Variants in TEN1 observed in about 807,000 individuals in gnomAD.
TEN1 encodes CST complex subunit TEN1.
In TEN1, 6 loss-of-function variants were observed where a neutral mutation model predicts 9.3. The ratio of observed to expected loss-of-function variants is 0.65; its 90% CI spans 0.35 to 1.27. TEN1 has a LOEUF of 1.27. Ranked by LOEUF, TEN1 falls within the 50% of genes most tolerant of loss-of-function variation. TEN1 has a pLI of 0.03. For missense variants in TEN1, 149 were observed against 158.2 expected (o/e 0.94, Z 0.31); for synonymous variants, 65 against 65.6 (o/e 0.99, Z 0.04).
At chr17:75,989,160 C>A (rs1026893253) in intron 2 of TEN1, among the ~76,000 whole-genome samples, 15 of 147,304 alleles carry the variant, frequency 1.0e-4, no homozygotes, top group Non-Finnish European at 1.7e-4. Context: ...AGTGCAGTGG[C>A]GCGATCTCAG....
rs1442190025 is a variant in TEN1, at chr17:76,000,298, G to C, written c.*36G>C. ...CCTAGCAACACCCTCACCTGCTTCA[G>C]AGCCCGAACCCTCTGGAGCTGCAGG... On this transcript the variant is annotated 3_prime_UTR_variant, in exon 4 of 4. Coordinates refer to ENST00000397640, the MANE Select transcript of TEN1 (RefSeq NM_001113324.3). This position sits in a 1 kb window ranked among gnomAD's most constrained non-coding sequence, Gnocchi z 5.9. The C allele has an allele frequency of 1.9e-6, 3 of 1,542,050 alleles. No individual in the cohort carries two copies. Among genetic ancestry groups the C allele is most frequent in the Non-Finnish European group, 2.6e-6 (3 of 1,141,530 alleles).
Position 76,000,415 on chromosome 17 carries a change from C to A in TEN1, c.*153C>A. The A allele has an allele frequency of 8.6e-7, 1 of 1,158,086 alleles. No individual in the cohort carries two copies. Among genetic ancestry groups the A allele is most frequent in the Non-Finnish European group, 1.2e-6 (1 of 851,566 alleles). The allele number at this position is 1,158,086 out of a possible 1,614,324, so 71.7% of individuals were successfully genotyped here. A position where few individuals can be genotyped will look rare whatever the true frequency, so the allele number is the denominator to read the frequency against. On this transcript the variant is annotated 3_prime_UTR_variant, in exon 4 of 4. Transcript: ENST00000397640. This position sits in a 1 kb window ranked among gnomAD's most constrained non-coding sequence, Gnocchi z 5.9. ...GTGATGAATCCAGCCCCTTCCCCTACTTTGGGATTGGCTCAGCAATGAGAA... is the reference window on the plus strand; with the variant it reads ...GTGATGAATCCAGCCCCTTCCCCTAATTTGGGATTGGCTCAGCAATGAGAA...
At chr17:75,986,113 C>G in intron 1 of TEN1, 74 bp from the exon 2 acceptor site, 1 of 1,183,558 alleles carries the variant, frequency 8.4e-7, no homozygotes. Context: ...TCTCATATAT[C>G]TGCTAATCTC....
Position 75,991,626 on chromosome 17 carries a change from G to A in TEN1, c.250+3G>A. The A allele has an allele frequency of 6.4e-7, 1 of 1,550,892 alleles. No individual in the cohort carries two copies. Among genetic ancestry groups the A allele is most frequent in the Non-Finnish European group, 8.7e-7 (1 of 1,146,624 alleles). On this transcript the variant is annotated splice_donor_region_variant and intron_variant, in intron 3 of 3. Coordinates refer to ENST00000397640, the MANE Select transcript of TEN1 (RefSeq NM_001113324.3). Reference sequence around the variant, plus strand: ...CGGGGAGCTCCAGCATCAGCAGGGTGAGCTGCAGCCTCAGATCCCCTTTCT... The same window carrying A: ...CGGGGAGCTCCAGCATCAGCAGGGTAAGCTGCAGCCTCAGATCCCCTTTCT...
At chr17:75,984,923 G>A (rs531125196) in intron 1 of TEN1, 2 of 152,366 alleles carry the variant, frequency 1.3e-5, no homozygotes, top group East Asian at 3.9e-4. Context: ...GTGCCTGAGA[G>A]GGTGCAAGAG....
intron 2 of TEN1, among the ~76,000 whole-genome samples, chr17:75,989,359 G>A (rs1041151055): frequency 6.6e-5 from 10 of 150,976 alleles, no homozygotes; most frequent in African/African-American, 2.4e-4. Flanking sequence ...TGATCTGCCT[G>A]CCTAGGCCTC....
chr17:75,999,530 A>G (rs2066240007), intron 3 of TEN1, among the ~76,000 whole-genome samples: 1 of 151,866 alleles, frequency 6.6e-6, no homozygotes, highest in Non-Finnish European at 1.5e-5. Context: ...TTTAGTAGAG[A>G]TGGGGTTTCA....
intron 2 of TEN1, among the ~76,000 whole-genome samples, chr17:75,987,775 G>T (rs2066160530): frequency 6.6e-6 from 1 of 151,716 alleles, no homozygotes; most frequent in Non-Finnish European, 1.5e-5. Flanking sequence ...AAATTAGCCG[G>T]GCTTGGTGGT....
rs1183571469 is a variant in TEN1, at chr17:75,979,437, A to G, written c.-81A>G. On this transcript the variant is annotated 5_prime_UTR_variant, in exon 1 of 4. Coordinates refer to ENST00000397640, the MANE Select transcript of TEN1 (RefSeq NM_001113324.3). ...AGTGGGAAAATAAAGCACTTTTTGTATCCCGCCCCTCCCCCGTCACGTGAC... is the reference window on the plus strand; with the variant it reads ...AGTGGGAAAATAAAGCACTTTTTGTGTCCCGCCCCTCCCCCGTCACGTGAC... 1.1e-5 allele frequency: 4 copies of G among 380,476 alleles called. No individual in the cohort carries two copies. Among genetic ancestry groups the G allele is most frequent in the Non-Finnish European group, 2.0e-5 (4 of 199,866 alleles). The allele number at this position is 380,476 out of a possible 1,614,324, so 23.6% of individuals were successfully genotyped here.
chr17:75,993,946 C>T (rs921763943), intron 3 of TEN1, among the ~76,000 whole-genome samples: 2 of 151,148 alleles, frequency 1.3e-5, no homozygotes, highest in African/African-American at 4.9e-5. Flanking sequence ...TTGCAGTGAG[C>T]GGAGATCGTG....
intron 1 of TEN1, among the ~76,000 whole-genome samples, chr17:75,983,110 G>A (rs1172555114): frequency 6.6e-6 from 1 of 151,174 alleles, no homozygotes; most frequent in Non-Finnish European, 1.5e-5. Context: ...GTGAAACCCC[G>A]TCTCTACTAA....
Position 75,999,221 on chromosome 17 carries a change from C to T in TEN1, c.251-920C>T, listed in dbSNP as rs548085282. Among the ~76,000 whole-genome samples the T allele has an allele frequency of 5.9e-5, 9 of 152,222 alleles. No homozygotes were observed. The South Asian group carries it at 1.9e-3, about 32-fold the overall frequency. On this transcript the variant is annotated intron_variant, in intron 3 of 3. Transcript: ENST00000397640. Reference sequence around the variant, plus strand: ...ATTAGCTGGGTGTGGTGGTGCGTCCCTGTAGTCCCAGCTCCTCAGGAAGCT... The same window carrying T: ...ATTAGCTGGGTGTGGTGGTGCGTCCTTGTAGTCCCAGCTCCTCAGGAAGCT...
At chr17:75,988,173 G>A (rs1407493657) in intron 2 of TEN1, among the ~76,000 whole-genome samples, 1 of 150,774 alleles carries the variant, frequency 6.6e-6, no homozygotes, top group African/African-American at 2.4e-5. Flanking sequence ...CCGGGAGGCA[G>A]AGGTGGCAGT....
intron 2 of TEN1, among the ~76,000 whole-genome samples, chr17:75,988,561 CAAAAA>C (rs1189354019): frequency 1.4e-4 from 4 of 28,988 alleles, no homozygotes; most frequent in East Asian, 1.2e-3. Flanking sequence ...GATCCTGCCT[CAAAAA>C]AAAAAAAAAA....
Position 75,979,296 on chromosome 17 carries a change from C to T in TEN1, c.-222C>T. ...AGAGGGGGCGATGTCCGCGTCGTGG[C>T]TGGGGCCGGTCGCGGGGCAGACTAA... On this transcript the variant is annotated 5_prime_UTR_variant, in exon 1 of 4. Transcript: ENST00000397640. 1 of 655,742 alleles carries T rather than the reference C, an allele frequency of 1.5e-6. No individual in the cohort carries two copies. Among genetic ancestry groups the T allele is most frequent in the Non-Finnish European group, 2.6e-6 (1 of 377,480 alleles). 40.6% of individuals were successfully genotyped at this position (655,742 alleles called of 1,614,324 possible).
intron 3 of TEN1, among the ~76,000 whole-genome samples, chr17:75,994,311 G>C (rs1471375676): frequency 6.6e-6 from 1 of 150,418 alleles, no homozygotes; most frequent in Non-Finnish European, 1.5e-5. Context: ...GTGCATGCCT[G>C]TAATCCCAGC....
chr17:75,998,470 C>T (rs974306651), intron 3 of TEN1, among the ~76,000 whole-genome samples: 2 of 152,110 alleles, frequency 1.3e-5, no homozygotes, highest in Non-Finnish European at 2.9e-5. Context: ...TGACCTGTGT[C>T]AGCACTGGGG....
In TEN1 at chr17:76,000,569, AG is replaced by A; in HGVS notation, c.*312del. ...AGAAGGTCCTGGTGAATAAAGGCCCAGGGGGCGTGCTCTTGAAGTGTGCTCG... is the reference window on the plus strand; with the variant it reads ...AGAAGGTCCTGGTGAATAAAGGCCCAGGGGCGTGCTCTTGAAGTGTGCTCG... On this transcript the variant is annotated 3_prime_UTR_variant, in exon 4 of 4. Transcript: ENST00000397640. This position sits in a 1 kb window ranked among gnomAD's most constrained non-coding sequence, Gnocchi z 5.9. 3.4e-6 allele frequency: 1 copy of A among 296,906 alleles called. No homozygotes were observed. Among genetic ancestry groups the A allele is most frequent in the Non-Finnish European group, 6.3e-6 (1 of 159,992 alleles). 18.4% of individuals were successfully genotyped at this position (296,906 alleles called of 1,614,324 possible). A position where few individuals can be genotyped will look rare whatever the true frequency, so the allele number is the denominator to read the frequency against.
At chr17:75,981,969 G>A (rs1260399226) in intron 1 of TEN1, among the ~76,000 whole-genome samples, 1 of 152,176 alleles carries the variant, frequency 6.6e-6, no homozygotes, top group South Asian at 2.1e-4. Flanking sequence ...AGAGGTTGCA[G>A]TGAGCCGAGA....
Sources: gnomAD v4.1 joint callset for allele counts (sites outside exome capture counted in the v4.1 genomes callset) on GRCh38, gnomAD v4.1.1 for gene constraint, Gnocchi (gnomAD v3.1) non-coding constraint, MANE v1.5 for transcripts, NCBI Gene and HGNC (gene_info 2026-07-23, HGNC 2026-07-21) for gene names.